Variants in PASD1 observed in about 807,000 individuals in gnomAD.
PASD1 encodes the protein PAS domain containing repressor 1, also known as circadian clock protein PASD1.
Under a neutral mutation model 58.8 loss-of-function variants are expected in PASD1, and 13 were observed. The observed-to-expected ratio is 0.22, with a 90% CI of 0.14 to 0.35. The LOEUF (loss-of-function observed/expected upper bound fraction) is 0.35. PASD1 is among the 10% of genes least tolerant of loss of function. The probability of loss-of-function intolerance (pLI) is 1.00; values close to 1 mark genes in which losing one functional copy is unlikely to be tolerated. For synonymous variants in PASD1, 236 were observed against 216.7 expected (o/e 1.09, Z -0.78); for missense variants, 734 against 568.3 (o/e 1.29, Z -2.96).
chrX:151,653,747 C>T (rs754293666), intron 9 of PASD1, among the ~76,000 whole-genome samples: 1 of 40,079 alleles, frequency 2.5e-5, no homozygotes, highest in African/African-American at 7.1e-5. Flanking sequence ...TCTTTCTTTC[C>T]TTCCTTCTTT....
At chrX:151,607,331 T>G (rs755527250) in intron 3 of PASD1, among the ~76,000 whole-genome samples, 3 of 112,264 alleles carry the variant, frequency 2.7e-5, no homozygotes, top group Non-Finnish European at 5.6e-5. Context: ...GTATTCTTGT[T>G]AGAACATACT....
intron 9 of PASD1, among the ~76,000 whole-genome samples, chrX:151,656,892 A>G (rs1209808275): frequency 2.7e-5 from 3 of 111,782 alleles, no homozygotes; most frequent in African/African-American, 9.8e-5. Flanking sequence ...TTCCAACACT[A>G]TGTTGAATAG....
intron 1 of PASD1, among the ~76,000 whole-genome samples, chrX:151,584,552 C>T (rs2013141993): frequency 8.9e-6 from 1 of 111,806 alleles, no homozygotes. Context: ...GGATGATGAA[C>T]TTTCCTTTGC....
At chrX:151,607,886 A>G (rs1203559180) in intron 3 of PASD1, among the ~76,000 whole-genome samples, 1 of 111,937 alleles carries the variant, frequency 8.9e-6, no homozygotes, top group Non-Finnish European at 1.9e-5. Context: ...CAAAGCTAAC[A>G]TCCCTGGCTT....
intron 9 of PASD1, among the ~76,000 whole-genome samples, chrX:151,650,248 T>G (rs1165627233): frequency 9.0e-6 from 1 of 111,530 alleles, no homozygotes; most frequent in African/African-American, 3.3e-5. Flanking sequence ...TACCCAGGGT[T>G]TATACTGTAC....
At chrX:151,652,172 A>G (rs2014135833) in intron 9 of PASD1, among the ~76,000 whole-genome samples, 1 of 111,775 alleles carries the variant, frequency 8.9e-6, no homozygotes, top group African/African-American at 3.3e-5. Flanking sequence ...AGGAACTTAC[A>G]TTCCAACAGT....
At chrX:151,639,299 T>A (rs778769496) in intron 8 of PASD1, among the ~76,000 whole-genome samples, 2 of 112,503 alleles carry the variant, frequency 1.8e-5, no homozygotes, top group African/African-American at 6.4e-5. Context: ...TTATTACAAT[T>A]TTTAACTTTA....
chrX:151,633,402 A>G (rs2013892856), intron 8 of PASD1, among the ~76,000 whole-genome samples: 1 of 111,578 alleles, frequency 9.0e-6, no homozygotes. Flanking sequence ...ATCCAGGGAA[A>G]GAACCCTTGA....
intron 4 of PASD1, 145 bp from the exon 5 acceptor site, chrX:151,620,785 G>A: frequency 2.7e-6 from 1 of 368,858 alleles, no homozygotes; most frequent in Non-Finnish European, 4.8e-6. Context: ...AGGTATAACT[G>A]TACATGGCTG....
chrX:151,612,754 C>T (rs1373528871), intron 4 of PASD1, among the ~76,000 whole-genome samples: 4 of 111,332 alleles, frequency 3.6e-5, no homozygotes, highest in Non-Finnish European at 7.5e-5. Flanking sequence ...AAATTTTCTC[C>T]CGTTCTGTAG....
chrX:151,632,893 A>C (rs1276681657), intron 8 of PASD1, among the ~76,000 whole-genome samples: 3 of 110,867 alleles, frequency 2.7e-5, no homozygotes, highest in Non-Finnish European at 5.7e-5. Context: ...AAAAGAAATA[A>C]GATCTATATG....
At chrX:151,592,175 T>C (rs2013259645) in intron 1 of PASD1, among the ~76,000 whole-genome samples, 1 of 112,176 alleles carries the variant, frequency 8.9e-6, no homozygotes, top group Non-Finnish European at 1.9e-5. Context: ...TGAAGTTACA[T>C]AGAAAAACAA....
intron 1 of PASD1, among the ~76,000 whole-genome samples, chrX:151,572,391 G>A (rs763044274): frequency 1.1e-4 from 12 of 111,508 alleles, no homozygotes; most frequent in African/African-American, 3.9e-4. Context: ...GATAACTTGA[G>A]TTGCCCAGAA....
In PASD1 at chrX:151,659,756, A is replaced by G. The variant is rs979989297; in HGVS notation, c.761A>G (p.Glu254Gly). The stretch of plus-strand genomic sequence containing the variant: ...GAGGTTGAGCAGTATGGACCACAAG[A>G]AAACGTTCACATGTTTGTAGATTCT... Reference protein sequence around the residue: ...IAEVEQYGPQENVHMFVDSDS... With the variant: ...IAEVEQYGPQGNVHMFVDSDS... Residue 254 changes from glutamate to glycine, a missense_variant, in exon 10 of 16, where the codon GAA becomes GGA. Glu to Gly is a moderately conservative substitution (Grantham distance 98). Coordinates refer to ENST00000370357, the MANE Select transcript of PASD1 (RefSeq NM_173493.3). 1 of 1,201,237 alleles carries G rather than the reference A, an allele frequency of 8.3e-7. No individual in the cohort carries two copies. The highest frequency in any genetic ancestry group is 1.8e-5 in the African/African-American group (1 of 57,057).
intron 11 of PASD1, among the ~76,000 whole-genome samples, chrX:151,669,086 A>T (rs2014428090): frequency 9.3e-6 from 1 of 106,997 alleles, no homozygotes; most frequent in Non-Finnish European, 1.9e-5. Context: ...TTTTACTTTA[A>T]GATATTGTGG....
intron 4 of PASD1, among the ~76,000 whole-genome samples, chrX:151,620,688 C>T (rs929031337): frequency 1.8e-5 from 2 of 110,315 alleles, no homozygotes; most frequent in African/African-American, 6.6e-5. Context: ...AAAATTTTCC[C>T]AGGCAAATAT....
At chrX:151,653,180 G>GTA (rs201826361) in intron 9 of PASD1, among the ~76,000 whole-genome samples, 66 of 97,548 alleles carry the variant, frequency 6.8e-4, no homozygotes, top group African/African-American at 8.4e-4. Flanking sequence ...GTGTGTGTGT[G>GTA]TATATATATA....
chrX:151,588,485 T>C (rs2013201291), intron 1 of PASD1, among the ~76,000 whole-genome samples: 2 of 111,518 alleles, frequency 1.8e-5, no homozygotes, highest in Non-Finnish European at 3.8e-5. Context: ...TTTCTGGCCA[T>C]TACTGCACTG....
At chrX:151,599,194 CA>C (rs2013363445) in intron 1 of PASD1, among the ~76,000 whole-genome samples, 1 of 112,518 alleles carries the variant, frequency 8.9e-6, no homozygotes, top group Non-Finnish European at 1.9e-5. Context: ...TAGTACAGAA[CA>C]AAATGGAGTC....
Sources: allele counts gnomAD v4.1 joint callset (sites outside exome capture counted in the v4.1 genomes callset), GRCh38; gene constraint gnomAD v4.1.1; transcripts MANE v1.5; gene names NCBI Gene and HGNC (gene_info 2026-07-23, HGNC 2026-07-21).